Variants in ST6GALNAC3 observed in about 807,000 individuals in gnomAD.
ST6GALNAC3 encodes the protein alpha-N-acetylgalactosaminide alpha-2,6-sialyltransferase 3.
A neutral mutation model predicts 32.7 loss-of-function variants in ST6GALNAC3; 25 were observed. The observed-to-expected ratio is 0.76, with a 90% CI of 0.56 to 1.07. ST6GALNAC3 has a LOEUF of 1.07. Ranked by LOEUF, ST6GALNAC3 falls within the 50% of genes least tolerant of loss-of-function variation. ST6GALNAC3 has a pLI of 0.00. For synonymous variants in ST6GALNAC3, 129 were observed against 133.1 expected (o/e 0.97, Z 0.21); for missense variants, 355 against 382.4 (o/e 0.93, Z 0.60).
chr1:76,506,832 G>A (rs1302427300), intron 3 of ST6GALNAC3, among the ~76,000 whole-genome samples: 11 of 152,182 alleles, frequency 7.2e-5, no homozygotes, highest in Admixed American at 2.0e-4. Context: ...AGGGAAGGCC[G>A]TGGAGAAATG....
chr1:76,445,439 A>G (rs1019095311), intron 3 of ST6GALNAC3, among the ~76,000 whole-genome samples: 1 of 152,200 alleles, frequency 6.6e-6, no homozygotes, highest in African/African-American at 2.4e-5. Context: ...CCTGCATCCT[A>G]TTAACAAATA....
chr1:76,092,736 G>A (rs1647066297), intron 1 of ST6GALNAC3, among the ~76,000 whole-genome samples: 1 of 152,156 alleles, frequency 6.6e-6, no homozygotes, highest in Non-Finnish European at 1.5e-5. Context: ...TATTTTGCAT[G>A]GGGCCTCATA....
chr1:76,169,620 T>TA (rs774619049), intron 1 of ST6GALNAC3, among the ~76,000 whole-genome samples: 2 of 152,194 alleles, frequency 1.3e-5, no homozygotes, highest in Non-Finnish European at 2.9e-5. Flanking sequence ...TCTCTTTACA[T>TA]AATCCCATAT....
At chr1:76,267,860 A>G (rs531801479) in intron 1 of ST6GALNAC3, among the ~76,000 whole-genome samples, 3 of 152,366 alleles carry the variant, frequency 2.0e-5, no homozygotes, top group Admixed American at 1.3e-4. Flanking sequence ...CTGCTTTGAT[A>G]TGAGGATGTG....
intron 3 of ST6GALNAC3, among the ~76,000 whole-genome samples, chr1:76,451,267 A>G (rs1315992194): frequency 6.6e-6 from 1 of 152,230 alleles, no homozygotes; most frequent in Admixed American, 6.5e-5. Context: ...ACAGTTTCAC[A>G]TGGCTGGCAA....
intron 1 of ST6GALNAC3, among the ~76,000 whole-genome samples, chr1:76,113,122 G>A (rs1648187586): frequency 6.6e-6 from 1 of 152,034 alleles, no homozygotes; most frequent in African/African-American, 2.4e-5. Context: ...GATCACTCGC[G>A]GTTAGGAGCT....
chr1:76,140,262 T>C (rs977220837), intron 1 of ST6GALNAC3, among the ~76,000 whole-genome samples: 1 of 152,216 alleles, frequency 6.6e-6, no homozygotes, highest in Non-Finnish European at 1.5e-5. Context: ...TGTTTGACAT[T>C]TACAAGGTAT....
chr1:76,612,976 T>G (rs1362156560), intron 3 of ST6GALNAC3, among the ~76,000 whole-genome samples: 1 of 152,192 alleles, frequency 6.6e-6, no homozygotes, highest in Non-Finnish European at 1.5e-5. Context: ...CGTGGGGCTT[T>G]GTTGATTATG....
chr1:76,273,437 G>T (rs1658966070), intron 1 of ST6GALNAC3, among the ~76,000 whole-genome samples: 1 of 152,072 alleles, frequency 6.6e-6, no homozygotes, highest in African/African-American at 2.4e-5. Flanking sequence ...CTTTTTCTTG[G>T]ATAAAAATCC....
At chr1:76,210,747 C>A (rs188772768) in intron 1 of ST6GALNAC3, among the ~76,000 whole-genome samples, 6 of 152,168 alleles carry the variant, frequency 3.9e-5, no homozygotes, top group Admixed American at 3.9e-4. Context: ...ACTGTCTCTT[C>A]CTCTTATTTA....
chr1:76,307,339 A>G (rs1661121953), intron 1 of ST6GALNAC3, among the ~76,000 whole-genome samples: 1 of 152,158 alleles, frequency 6.6e-6, no homozygotes, highest in African/African-American at 2.4e-5. Flanking sequence ...GTGCTTTGCT[A>G]CTTCAACTTT....
At chr1:76,570,041 T>C (rs1157841608) in intron 3 of ST6GALNAC3, among the ~76,000 whole-genome samples, 2 of 152,094 alleles carry the variant, frequency 1.3e-5, no homozygotes, top group African/African-American at 4.8e-5. Context: ...AGCTAATCCA[T>C]TTTCTGTAAT....
intron 1 of ST6GALNAC3, among the ~76,000 whole-genome samples, chr1:76,191,551 G>T (rs1653897913): frequency 6.6e-6 from 1 of 152,058 alleles, no homozygotes; most frequent in Non-Finnish European, 1.5e-5. Context: ...ATGTATAAAT[G>T]ATAAATACAT....
At chr1:76,363,485 C>T (rs1650128654) in intron 2 of ST6GALNAC3, among the ~76,000 whole-genome samples, 1 of 152,190 alleles carries the variant, frequency 6.6e-6, no homozygotes, top group African/African-American at 2.4e-5. Context: ...TCCAAACATT[C>T]CCTCATCTTC....
chr1:76,542,871 G>A (rs1234624897), intron 3 of ST6GALNAC3, among the ~76,000 whole-genome samples: 2 of 152,168 alleles, frequency 1.3e-5, no homozygotes, highest in Non-Finnish European at 2.9e-5. Flanking sequence ...GGTAGTGGTA[G>A]AATGAGAGGA....
Position 76,326,821 on chromosome 1 carries a change from T to C in ST6GALNAC3, c.213+12822T>C, listed in dbSNP as rs573189309. ...ACTCTTCTAATTAAGTTCTGGAAGT[T>C]TTGGGTTTTTTTTTTTTTTTTTGCA... On this transcript the variant is annotated intron_variant, in intron 2 of 4. Transcript: ENST00000328299. Among the ~76,000 whole-genome samples, 32 of 106,756 alleles carry C rather than the reference T, an allele frequency of 3.0e-4. No individual in the cohort carries two copies. The South Asian group carries it at 5.8e-3, about 19-fold the overall frequency. The allele number at this position is 106,756 out of a possible 152,430, so 70.0% of individuals were successfully genotyped here. A position where few individuals can be genotyped will look rare whatever the true frequency, so the allele number is the denominator to read the frequency against.
At chr1:76,558,214 A>G (rs1312998925) in intron 3 of ST6GALNAC3, among the ~76,000 whole-genome samples, 1 of 152,156 alleles carries the variant, frequency 6.6e-6, no homozygotes, top group African/African-American at 2.4e-5. Context: ...AAACAGAACT[A>G]CCTTTCAACT....
chr1:76,459,425 G>T (rs35932012), intron 3 of ST6GALNAC3, among the ~76,000 whole-genome samples: 1 of 151,930 alleles, frequency 6.6e-6, no homozygotes, highest in Non-Finnish European at 1.5e-5. Context: ...TTAGCCACGC[G>T]TGGTGGCGGG....
intron 1 of ST6GALNAC3, among the ~76,000 whole-genome samples, chr1:76,270,366 G>T (rs1283168572): frequency 6.6e-6 from 1 of 151,956 alleles, no homozygotes; most frequent in East Asian, 1.9e-4. Context: ...AATAAGCCAG[G>T]CATGGTGGCA....
Sources: gnomAD v4.1 joint callset for allele counts (sites outside exome capture counted in the v4.1 genomes callset) on GRCh38, gnomAD v4.1.1 for gene constraint, MANE v1.5 for transcripts, NCBI Gene and HGNC (gene_info 2026-07-23, HGNC 2026-07-21) for gene names.